The following SZRD1 variants were observed in gnomAD, a reference collection of about 807,000 sequenced individuals.
SZRD1 encodes SUZ RNA binding domain containing 1.
In SZRD1, 7 loss-of-function variants were observed where a neutral mutation model predicts 17.6. The observed-to-expected ratio is 0.40, with a 90% CI of 0.23 to 0.75. SZRD1 has a LOEUF of 0.75. Ranked by LOEUF, SZRD1 falls within the 30% of genes least tolerant of loss-of-function variation. The probability of loss-of-function intolerance (pLI) is 0.38; values close to 1 mark genes in which losing one functional copy is unlikely to be tolerated. For missense variants in SZRD1, 178 were observed against 201.8 expected (o/e 0.88, Z 0.71); for synonymous variants, 77 against 77.9 (o/e 0.99, Z 0.06).
intron 1 of SZRD1, among the ~76,000 whole-genome samples, chr1:16,389,604 C>T (rs2085191537): frequency 6.6e-6 from 1 of 151,142 alleles, no homozygotes; most frequent in African/African-American, 2.4e-5. Flanking sequence ...AGCCACCGTG[C>T]CTGGCCAATT....
Position 16,397,859 on chromosome 1 carries a change from C to T in SZRD1, c.*2719C>T, listed in dbSNP as rs1471565592. On this transcript the variant is annotated 3_prime_UTR_variant, in exon 4 of 4. Coordinates refer to ENST00000401088, the MANE Select transcript of SZRD1 (RefSeq NM_001114600.3). The surrounding 1 kb of genome is among the most constrained non-coding windows in gnomAD (Gnocchi z 5.4). ...CCTGCTCTGCCCCATCTGGGGGTGC[C>T]CTGCTCAGGGATGGGCTGGCAGGGC... 5.7e-6 allele frequency: 2 copies of T among 348,994 alleles called. No individual in the cohort carries two copies. The highest frequency in any genetic ancestry group is 8.1e-6 in the Non-Finnish European group (2 of 248,172). The allele number at this position is 348,994 out of a possible 1,614,324, so 21.6% of individuals were successfully genotyped here.
In SZRD1 at chr1:16,391,453, A is replaced by G. The variant is rs1233230899; in HGVS notation, c.101+29A>G. 7.1e-6 allele frequency: 11 copies of G among 1,538,972 alleles called. No homozygotes were observed. The highest frequency in any genetic ancestry group is 1.2e-5 in the South Asian group (1 of 83,630). On this transcript the variant is annotated intron_variant, in intron 2 of 3. Coordinates refer to ENST00000401088, the MANE Select transcript of SZRD1 (RefSeq NM_001114600.3). This position sits in a 1 kb window ranked among gnomAD's most constrained non-coding sequence, Gnocchi z 4.3. ...AGGCTGCTGTCTGGTCTGAGGGCTC[A>G]TGCTCTCTGTGGTTTGAGAGCCGGG...
At chr1:16,371,523 GCA>G (rs1417262747) in intron 1 of SZRD1, among the ~76,000 whole-genome samples, 1 of 146,582 alleles carries the variant, frequency 6.8e-6, no homozygotes, top group East Asian at 2.0e-4. Flanking sequence ...GTGCAGTGGC[GCA>G]ATCTCGGCTC....
At chr1:16,373,655 T>G (rs2082950031) in intron 1 of SZRD1, among the ~76,000 whole-genome samples, 1 of 148,966 alleles carries the variant, frequency 6.7e-6, no homozygotes. Flanking sequence ...CTGAGCGCAG[T>G]GGTGCAATGA....
At chr1:16,379,589 T>C (rs1411536966) in intron 1 of SZRD1, among the ~76,000 whole-genome samples, 7 of 152,158 alleles carry the variant, frequency 4.6e-5, no homozygotes, top group Admixed American at 4.6e-4. Context: ...TGAGCTCTTA[T>C]TTTGAATATG....
intron 1 of SZRD1, among the ~76,000 whole-genome samples, chr1:16,371,228 G>T (rs2082907410): frequency 6.6e-6 from 1 of 151,820 alleles, no homozygotes; most frequent in Non-Finnish European, 1.5e-5. Flanking sequence ...GTCTTGCTCT[G>T]TTGCCCAGGC....
Position 16,393,092 on chromosome 1 carries a change from C to A in SZRD1, c.102-136C>A. On this transcript the variant is annotated intron_variant, in intron 2 of 3. Coordinates refer to ENST00000401088, the MANE Select transcript of SZRD1 (RefSeq NM_001114600.3). The surrounding 1 kb of genome is among the most constrained non-coding windows in gnomAD (Gnocchi z 5.6). ...TCTTGAGGAGTGGAAATTTTGCTGT[C>A]TGGTCAGAGGCCAGAGAATCATGCA... 1.6e-6 allele frequency: 2 copies of A among 1,262,430 alleles called. No homozygotes were observed. Among genetic ancestry groups the A allele is most frequent in the East Asian group, 2.3e-5 (1 of 42,894 alleles). 78.2% of individuals were successfully genotyped at this position (1,262,430 alleles called of 1,614,324 possible). A position where few individuals can be genotyped will look rare whatever the true frequency, so the allele number is the denominator to read the frequency against.
rs1159967607 is a variant in SZRD1, at chr1:16,371,464, C to CTT, written c.51+4167_51+4168dup. 3.5e-3 allele frequency among the ~76,000 whole-genome samples: 471 copies of CTT among 133,158 alleles called. 4 individuals carry two copies. The highest frequency in any genetic ancestry group is 0.012 in the African/African-American group (439 of 35,212). The allele number at this position is 133,158 out of a possible 152,430, so 87.4% of individuals were successfully genotyped here. A position where few individuals can be genotyped will look rare whatever the true frequency, so the allele number is the denominator to read the frequency against. On this transcript the variant is annotated intron_variant, in intron 1 of 3. Transcript: ENST00000401088. ...CTTTTTTTTCCTTTTTTTTTTTCCC[C>CTT]TTTTTTTTTTTTCCCGAGATGGAGT...
chr1:16,374,041 C>T (rs2082956670), intron 1 of SZRD1, among the ~76,000 whole-genome samples: 1 of 152,074 alleles, frequency 6.6e-6, no homozygotes, highest in African/African-American at 2.4e-5. Flanking sequence ...CATTTTGGAA[C>T]ATGTACAACA....
rs1329911205 is a variant in SZRD1 at position 16,395,383 on chromosome 1, G to C, written c.*243G>C. The C allele has an allele frequency of 1.9e-6, 1 of 526,184 alleles. No homozygotes were observed. The highest frequency in any genetic ancestry group is 3.2e-5 in the Admixed American group (1 of 31,680). The allele number at this position is 526,184 out of a possible 1,614,324, so 32.6% of individuals were successfully genotyped here. Reference sequence around the variant, plus strand: ...AAGGGCTGTCCCAAGTCAATGGAAAGGGAAAGGGTGGGGGTTAGGGGAAGG... The same window carrying C: ...AAGGGCTGTCCCAAGTCAATGGAAACGGAAAGGGTGGGGGTTAGGGGAAGG... On this transcript the variant is annotated 3_prime_UTR_variant, in exon 4 of 4. Coordinates refer to ENST00000401088, the MANE Select transcript of SZRD1 (RefSeq NM_001114600.3).
intron 1 of SZRD1, among the ~76,000 whole-genome samples, chr1:16,386,107 G>A (rs1218267816): frequency 6.6e-6 from 1 of 152,236 alleles, no homozygotes; most frequent in African/African-American, 2.4e-5. Flanking sequence ...AACACAGAAT[G>A]TCACCTTCTG....
intron 1 of SZRD1, among the ~76,000 whole-genome samples, chr1:16,382,428 T>A (rs1220518569): frequency 2.0e-5 from 3 of 151,714 alleles, no homozygotes; most frequent in Admixed American, 2.0e-4. Context: ...TCTCAGGTGA[T>A]CCGCCCACTT....
At position 16,393,438 on chromosome 1, in the gene SZRD1, C is replaced by A. The variant is rs761142405; in HGVS notation, c.312C>A (p.Gly104=). Residue 104 remains glycine, a synonymous_variant, in exon 3 of 4, where the codon GGC becomes GGA. Coordinates refer to ENST00000401088, the MANE Select transcript of SZRD1 (RefSeq NM_001114600.3). The surrounding 1 kb of genome is among the most constrained non-coding windows in gnomAD (Gnocchi z 5.6). ...CCGAGGCCCGGAAGCGGATCCTGGG[C>A]AGCGCCAGCCCCGAGGAGGAGCAGG... ...EYAEARKRIL[G]SASPEEEQEK... 3 of 1,613,972 alleles carry A rather than the reference C, an allele frequency of 1.9e-6. 1 individual carries two copies. In the Admixed American group the frequency reaches 5.0e-5, roughly 27 times the overall value.
chr1:16,375,946 G>T lies in SZRD1; in HGVS notation c.51+8638G>T, dbSNP rs192497152. 5.3e-5 allele frequency among the ~76,000 whole-genome samples: 8 copies of T among 152,284 alleles called. No individual in the cohort carries two copies. In the East Asian group the frequency reaches 1.4e-3, roughly 26 times the overall value. ...CCTTCCATATGTCAGTAGTGTTTCTGCTATCTAGTTGTTCATCTCACTGGC... is the reference window on the plus strand; with the variant it reads ...CCTTCCATATGTCAGTAGTGTTTCTTCTATCTAGTTGTTCATCTCACTGGC... On this transcript the variant is annotated intron_variant, in intron 1 of 3. Coordinates refer to ENST00000401088, the MANE Select transcript of SZRD1 (RefSeq NM_001114600.3).
chr1:16,394,337 C>T (rs1026258844), intron 3 of SZRD1, among the ~76,000 whole-genome samples: 1 of 151,998 alleles, frequency 6.6e-6, no homozygotes, highest in African/African-American at 2.4e-5. Flanking sequence ...AATTGGGGGG[C>T]GGGGGATGTG....
At chr1:16,386,034 T>C (rs1461834459) in intron 1 of SZRD1, among the ~76,000 whole-genome samples, 1 of 152,204 alleles carries the variant, frequency 6.6e-6, no homozygotes, top group Non-Finnish European at 1.5e-5. Context: ...ATGTGTAGCC[T>C]CATAGGACAA....
chr1:16,367,644 G>T (rs1276044364), intron 1 of SZRD1: 3 of 374,702 alleles, frequency 8.0e-6, no homozygotes, highest in Non-Finnish European at 1.5e-5. Context: ...GAGCCTTGTG[G>T]CCCGAGGCAC....
At chr1:16,390,364 T>C (rs551409971) in intron 1 of SZRD1, among the ~76,000 whole-genome samples, 3 of 152,346 alleles carry the variant, frequency 2.0e-5, no homozygotes, top group South Asian at 4.1e-4. Context: ...CCCAATGTCC[T>C]GCTCAGGGCT....
At chr1:16,374,806 G>A (rs1321378799) in intron 1 of SZRD1, among the ~76,000 whole-genome samples, 1 of 152,078 alleles carries the variant, frequency 6.6e-6, no homozygotes, top group Non-Finnish European at 1.5e-5. Context: ...TTAAATCTGT[G>A]GCCAAAGTAT....
Sources: allele counts gnomAD v4.1 joint callset (sites outside exome capture counted in the v4.1 genomes callset), GRCh38; gene constraint gnomAD v4.1.1; non-coding constraint Gnocchi (gnomAD v3.1); transcripts MANE v1.5; gene names NCBI Gene and HGNC (gene_info 2026-07-23, HGNC 2026-07-21).